The following AGPAT4 variants were observed in gnomAD, a reference collection of about 807,000 sequenced individuals.
AGPAT4 encodes the protein 1-acylglycerol-3-phosphate O-acyltransferase 4, also known as 1-acyl-sn-glycerol-3-phosphate acyltransferase delta.
Under a neutral mutation model 48.0 loss-of-function variants are expected in AGPAT4, and 15 were observed. That is an observed-to-expected ratio of 0.31 (90% CI 0.21 to 0.48). The LOEUF is 0.48. Ranked by LOEUF, AGPAT4 falls within the 20% of genes least tolerant of loss-of-function variation. The probability of loss-of-function intolerance (pLI) is 0.99; values close to 1 mark genes in which losing one functional copy is unlikely to be tolerated. For missense variants in AGPAT4, 314 were observed against 482.5 expected (o/e 0.65, Z 3.27); for synonymous variants, 178 against 198.7 (o/e 0.90, Z 0.88).
chr6:161,211,061 C>G (rs1028675014), intron 2 of AGPAT4, among the ~76,000 whole-genome samples: 2 of 152,188 alleles, frequency 1.3e-5, no homozygotes. Flanking sequence ...AGGTAAAAAG[C>G]AAGATGGAGT....
Position 161,219,872 on chromosome 6 carries a change from T to TAGATAGGCAGGCAGGC in AGPAT4, c.178+12163_178+12164insGCCTGCCTGCCTATCT, listed in dbSNP as rs1375144242. On this transcript the variant is annotated intron_variant, in intron 2 of 8. Transcript: ENST00000320285. This position sits in a 1 kb window ranked among gnomAD's most constrained non-coding sequence, Gnocchi z 4.9. Reference sequence around the variant, plus strand: ...ATAGATAGATAGATAGATAGATAGATAGGCAGGCAGGCAGGCAGGCAGGCA... The same window carrying TAGATAGGCAGGCAGGC: ...ATAGATAGATAGATAGATAGATAGATAGATAGGCAGGCAGGCAGGCAGGCAGGCAGGCAGGCAGGCA... Among the ~76,000 whole-genome samples, 3 of 121,236 alleles carry TAGATAGGCAGGCAGGC rather than the reference T, an allele frequency of 2.5e-5. No homozygotes were observed. The highest frequency in any genetic ancestry group is 1.7e-4 in the Admixed American group (2 of 11,782). 79.5% of individuals were successfully genotyped at this position (121,236 alleles called of 152,430 possible).
In AGPAT4 at chr6:161,161,295, C is replaced by T. The variant is rs1356289273; in HGVS notation, c.348+4953G>A. The T allele has an allele frequency of 2.2e-6, 1 of 456,714 alleles. No homozygotes were observed. Among genetic ancestry groups the T allele is most frequent in the Non-Finnish European group, 4.4e-6 (1 of 226,956 alleles). The allele number at this position is 456,714 out of a possible 1,614,324, so 28.3% of individuals were successfully genotyped here. On this transcript the variant is annotated intron_variant, in intron 3 of 8. Transcript: ENST00000320285. This position sits in a 1 kb window ranked among gnomAD's most constrained non-coding sequence, Gnocchi z 4.6. Reference sequence around the variant, plus strand: ...CCTCCAGGATGGTAGTCGGTATGAACCCGCGGTGCAGCCATAGTCCCGTGA... The same window carrying T: ...CCTCCAGGATGGTAGTCGGTATGAATCCGCGGTGCAGCCATAGTCCCGTGA...
In AGPAT4 at chr6:161,266,787, C is replaced by T. The variant is rs1046852946; in HGVS notation, c.-90+7151G>A. On this transcript the variant is annotated intron_variant, in intron 1 of 8. Coordinates refer to ENST00000320285, the MANE Select transcript of AGPAT4 (RefSeq NM_020133.3). The surrounding 1 kb of genome is among the most constrained non-coding windows in gnomAD (Gnocchi z 6.2). ...TGCAGTATCCTGGGAAGAAGATGTG[C>T]TTGCATAGACAGATAGTTCTTTAAA... 1.3e-5 allele frequency among the ~76,000 whole-genome samples: 2 copies of T among 152,218 alleles called. No individual in the cohort carries two copies. Among genetic ancestry groups the T allele is most frequent in the African/African-American group, 4.8e-5 (2 of 41,464 alleles).
rs868515069 is a variant in AGPAT4, at chr6:161,245,560, G to A, written c.-89-13258C>T. On this transcript the variant is annotated intron_variant, in intron 1 of 8. Coordinates refer to ENST00000320285, the MANE Select transcript of AGPAT4 (RefSeq NM_020133.3). This position sits in a 1 kb window ranked among gnomAD's most constrained non-coding sequence, Gnocchi z 5.2. ...GGCCACAGGAGCTTACTTTTTGTGG[G>A]GTGGTTCAGCGAGGGGCTGCTCAGG... Among the ~76,000 whole-genome samples, 3 of 152,142 alleles carry A rather than the reference G, an allele frequency of 2.0e-5. No homozygotes were observed. Among genetic ancestry groups the A allele is most frequent in the Admixed American group, 6.5e-5 (1 of 15,276 alleles).
rs190379949 is a variant in AGPAT4, at chr6:161,214,357, C to T, written c.178+17679G>A. 6.6e-6 allele frequency among the ~76,000 whole-genome samples: 1 copy of T among 152,310 alleles called. No individual in the cohort carries two copies. The highest frequency in any genetic ancestry group is 1.9e-4 in the East Asian group (1 of 5,182). On this transcript the variant is annotated intron_variant, in intron 2 of 8. Transcript: ENST00000320285. This position sits in a 1 kb window ranked among gnomAD's most constrained non-coding sequence, Gnocchi z 5.4. The stretch of plus-strand genomic sequence containing the variant: ...ATAAACTTTCTAAATTTACTGAGGC[C>T]TGTCTCAAATTTTGGGGGTTTCAGA...
chr6:161,147,563 C>A lies in AGPAT4; in HGVS notation c.768-964G>T, dbSNP rs1040703743. The stretch of plus-strand genomic sequence containing the variant: ...TAAAGGATGGGATTCCATCTTATAA[C>A]AGATTACAATGAGCCACTTCCTTTT... On this transcript the variant is annotated intron_variant, in intron 6 of 8. Coordinates refer to ENST00000320285, the MANE Select transcript of AGPAT4 (RefSeq NM_020133.3). This position sits in a 1 kb window ranked among gnomAD's most constrained non-coding sequence, Gnocchi z 4.8. Among the ~76,000 whole-genome samples the A allele has an allele frequency of 2.6e-4, 39 of 152,186 alleles. No individual in the cohort carries two copies. The highest frequency in any genetic ancestry group is 8.9e-4 in the African/African-American group (37 of 41,440).
rs958719317 is a variant in AGPAT4 at position 161,133,047 on chromosome 6, C to T, written c.*3493G>A. 3 of 152,256 alleles carry T rather than the reference C, an allele frequency of 2.0e-5. No homozygotes were observed. Among genetic ancestry groups the T allele is most frequent in the African/African-American group, 7.2e-5 (3 of 41,462 alleles). The allele number at this position is 152,256 out of a possible 1,614,324, so 9.4% of individuals were successfully genotyped here. A position where few individuals can be genotyped will look rare whatever the true frequency, so the allele number is the denominator to read the frequency against. On this transcript the variant is annotated 3_prime_UTR_variant, in exon 9 of 9. Transcript: ENST00000320285. ...CCTAGTATGTGGCAAGTCTGGACCA[C>T]TGCTTTAGAGAAAGCTGGATTAAAT...
Position 161,142,673 on chromosome 6 carries a change from C to G in AGPAT4, c.844-3053G>C, listed in dbSNP as rs1779292251. Among the ~76,000 whole-genome samples the G allele has an allele frequency of 6.6e-6, 1 of 152,144 alleles. No individual in the cohort carries two copies. The highest frequency in any genetic ancestry group is 2.4e-5 in the African/African-American group (1 of 41,428). On this transcript the variant is annotated intron_variant, in intron 7 of 8. Transcript: ENST00000320285. The surrounding 1 kb of genome is among the most constrained non-coding windows in gnomAD (Gnocchi z 6.4). ...AGGGAGAAAAGAACGGGAGGAAGAA[C>G]AGGAAAGAACGAAGAATAGAAGAGA...
rs867622472 is a variant in AGPAT4, at chr6:161,132,877, G to A, written c.*3663C>T. ...GCCTCCTGGTCAGCTACAGACACAG[G>A]CGGGTTAGGGCCCGTCTTGCTTTCA... On this transcript the variant is annotated 3_prime_UTR_variant, in exon 9 of 9. Transcript: ENST00000320285. 1.3e-5 allele frequency: 2 copies of A among 152,222 alleles called. No individual in the cohort carries two copies. The highest frequency in any genetic ancestry group is 2.9e-5 in the Non-Finnish European group (2 of 68,070). 9.4% of individuals were successfully genotyped at this position (152,222 alleles called of 1,614,324 possible). A position where few individuals can be genotyped will look rare whatever the true frequency, so the allele number is the denominator to read the frequency against.
chr6:161,193,563 C>T (rs1471585922), intron 2 of AGPAT4, among the ~76,000 whole-genome samples: 1 of 152,172 alleles, frequency 6.6e-6, no homozygotes, highest in East Asian at 1.9e-4. Context: ...TACAAACTTC[C>T]GAGTTGGCCA....
At chr6:161,183,626 AGGGAGGGGAGGTGAG>A (rs1332056757) in intron 2 of AGPAT4, among the ~76,000 whole-genome samples, 3 of 105,316 alleles carry the variant, frequency 2.8e-5, no homozygotes, top group African/African-American at 7.3e-5. Context: ...AGGGAAGGGA[AGGGAGGGGAGGTGAG>A]GGGAGGAGAG....
At chr6:161,186,208 C>T (rs1780763775) in intron 2 of AGPAT4, among the ~76,000 whole-genome samples, 1 of 152,146 alleles carries the variant, frequency 6.6e-6, no homozygotes, top group Non-Finnish European at 1.5e-5. Flanking sequence ...GATGGCTAAC[C>T]TGGAACACTC....
chr6:161,204,458 A>G lies in AGPAT4; in HGVS notation c.178+27578T>C, dbSNP rs560828151. Among the ~76,000 whole-genome samples the G allele has an allele frequency of 4.9e-4, 75 of 152,284 alleles. No individual in the cohort carries two copies. The highest frequency in any genetic ancestry group is 1.5e-3 in the African/African-American group (61 of 41,550). ...CAATTTTATCACCAGTTCCAACCTTAAAGGTAAATACTTCAGTTACTATTT... is the reference window on the plus strand; with the variant it reads ...CAATTTTATCACCAGTTCCAACCTTGAAGGTAAATACTTCAGTTACTATTT... On this transcript the variant is annotated intron_variant, in intron 2 of 8. Coordinates refer to ENST00000320285, the MANE Select transcript of AGPAT4 (RefSeq NM_020133.3). This position sits in a 1 kb window ranked among gnomAD's most constrained non-coding sequence, Gnocchi z 4.4.
chr6:161,176,333 A>C (rs1174588835), intron 2 of AGPAT4, among the ~76,000 whole-genome samples: 3 of 152,196 alleles, frequency 2.0e-5, no homozygotes, highest in African/African-American at 7.2e-5. Context: ...TATTGGGTGC[A>C]TATATGTTTA....
At chr6:161,186,571 T>C (rs1231644471) in intron 2 of AGPAT4, among the ~76,000 whole-genome samples, 12 of 152,016 alleles carry the variant, frequency 7.9e-5, no homozygotes, top group Admixed American at 6.5e-4. Flanking sequence ...CTACCCAGTC[T>C]CTCTGCCTCC....
At chr6:161,173,915 C>T (rs1398355142) in intron 2 of AGPAT4, among the ~76,000 whole-genome samples, 2 of 152,122 alleles carry the variant, frequency 1.3e-5, no homozygotes, top group African/African-American at 4.8e-5. Flanking sequence ...CCTTTCCCCA[C>T]TGCTTGTTTT....
rs1284696403 is a variant in AGPAT4 at position 161,238,390 on chromosome 6, T to C, written c.-89-6088A>G. Among the ~76,000 whole-genome samples, 1 of 152,206 alleles carries C rather than the reference T, an allele frequency of 6.6e-6. No homozygotes were observed. The highest frequency in any genetic ancestry group is 2.4e-5 in the African/African-American group (1 of 41,458). On this transcript the variant is annotated intron_variant, in intron 1 of 8. Coordinates refer to ENST00000320285, the MANE Select transcript of AGPAT4 (RefSeq NM_020133.3). The surrounding 1 kb of genome is among the most constrained non-coding windows in gnomAD (Gnocchi z 5.2). ...TGCAAGAAGGCAAAGAAGGAGCAGC[T>C]AAGACAGATGACTTCGTCTCTCCTG...
chr6:161,224,908 A>G (rs149148718), intron 2 of AGPAT4, among the ~76,000 whole-genome samples: 2 of 152,346 alleles, frequency 1.3e-5, no homozygotes, highest in East Asian at 1.9e-4. Flanking sequence ...CAAAGAATCA[A>G]TATGTCAGTA....
rs543448585 is a variant in AGPAT4, at chr6:161,261,301, G to A, written c.-90+12637C>T. Among the ~76,000 whole-genome samples the A allele has an allele frequency of 2.0e-5, 3 of 152,112 alleles. No individual in the cohort carries two copies. The highest frequency in any genetic ancestry group is 6.6e-5 in the Admixed American group (1 of 15,246). On this transcript the variant is annotated intron_variant, in intron 1 of 8. Transcript: ENST00000320285. The surrounding 1 kb of genome is among the most constrained non-coding windows in gnomAD (Gnocchi z 5.3). ...ATGAGACAAACAACAGAAAAGACCC[G>A]GCACAGTCCTGGGCCACATGACGTT...
Sources: allele counts gnomAD v4.1 joint callset (sites outside exome capture counted in the v4.1 genomes callset), GRCh38; gene constraint gnomAD v4.1.1; non-coding constraint Gnocchi (gnomAD v3.1); transcripts MANE v1.5; gene names NCBI Gene and HGNC (gene_info 2026-07-23, HGNC 2026-07-21).